Variants in FRMPD4 observed in about 807,000 individuals in gnomAD.
The protein encoded by FRMPD4 is FERM and PDZ domain-containing protein 4.
In FRMPD4, 22 loss-of-function variants were observed where a neutral mutation model predicts 94.1. The observed-to-expected ratio is 0.23, with a 90% confidence interval of 0.17 to 0.33. The LOEUF is 0.33. FRMPD4 is among the 10% of genes least tolerant of loss of function. The pLI, the probability that FRMPD4 is intolerant of heterozygous loss-of-function variation, is 1.00. For missense variants in FRMPD4, 1,111 were observed against 1,339.9 expected, an observed-to-expected ratio of 0.83 and a Z score of 2.67; for synonymous variants, 631 against 548.6, an observed-to-expected ratio of 1.15 and a Z score of -2.10.
At chrX:12,553,434 CTA>C (rs3066486) in intron 2 of FRMPD4, among the ~76,000 whole-genome samples, 552 of 39,615 alleles carry the variant, frequency 0.014, 16 homozygotes, top group African/African-American at 0.045. Flanking sequence ...ATCCATATGC[CTA>C]TATATATATA....
chrX:12,536,681 G>A (rs2058342757), intron 2 of FRMPD4, among the ~76,000 whole-genome samples: 1 of 111,906 alleles, frequency 8.9e-6, no homozygotes, highest in Non-Finnish European at 1.9e-5. Flanking sequence ...AAGAAGGATT[G>A]TTTAGTAGGA....
chrX:11,836,675 A>G (rs1419102378), intron 1 of FRMPD4, among the ~76,000 whole-genome samples: 1 of 111,888 alleles, frequency 8.9e-6, no homozygotes, highest in Non-Finnish European at 1.9e-5. Flanking sequence ...AACAAGCTAC[A>G]GAGTTGTTTA....
intron 4 of FRMPD4, among the ~76,000 whole-genome samples, chrX:12,634,176 A>AT (rs762853126): frequency 7.1e-5 from 8 of 112,317 alleles, no homozygotes; most frequent in Admixed American, 9.4e-5. Flanking sequence ...AAGATTTGTT[A>AT]TTTTTCCCCC....
chrX:12,096,775 T>G (rs926863142), intron 3 of FRMPD4, among the ~76,000 whole-genome samples: 1 of 111,416 alleles, frequency 9.0e-6, no homozygotes. Flanking sequence ...TAGTCCTAGC[T>G]GCTCAGGAGG....
intron 1 of FRMPD4, among the ~76,000 whole-genome samples, chrX:12,325,865 C>T (rs912964743): frequency 1.3e-4 from 15 of 112,070 alleles, no homozygotes; most frequent in Non-Finnish European, 2.4e-4. Context: ...TAACGGGTTA[C>T]TCCTAGGAAG....
In FRMPD4 at chrX:12,425,429, G is replaced by T. The variant is rs901010451; in HGVS notation, c.42-73251G>T. ...CTGGGCCTACTAAACCTTGTTCCCT[G>T]TCACTATTGAGGGAATCTGCAAGCA... On this transcript the variant is annotated intron_variant, in intron 1 of 16. Coordinates refer to ENST00000675598, the MANE Select transcript of FRMPD4 (RefSeq NM_001368397.1). 2.7e-5 allele frequency among the ~76,000 whole-genome samples: 3 copies of T among 112,052 alleles called. No homozygotes were observed. The Admixed American group carries it at 2.8e-4, about 11-fold the overall frequency.
chrX:12,442,731 G>A (rs2057152379), intron 1 of FRMPD4, among the ~76,000 whole-genome samples: 1 of 111,502 alleles, frequency 9.0e-6, no homozygotes, highest in South Asian at 3.8e-4. Flanking sequence ...CCACTCCTAG[G>A]TTTATACCCA....
chrX:12,189,654 G>A (rs2188724), intron 1 of FRMPD4, among the ~76,000 whole-genome samples: 16,167 of 111,123 alleles, frequency 0.15, 1,365 homozygotes, highest in East Asian at 0.62. Flanking sequence ...AGGGTACAGA[G>A]GAAAAGTCAC....
rs138817056 is a variant in FRMPD4, at chrX:12,645,347, C to CTTTTTTTTTTTTTTT, written c.423-29505_423-29491dup. Among the ~76,000 whole-genome samples, 25 of 55,642 alleles carry CTTTTTTTTTTTTTTT rather than the reference C, an allele frequency of 4.5e-4. 1 individual carries two copies. The highest frequency in any genetic ancestry group is 2.2e-3 in the African/African-American group (25 of 11,595). 48.3% of individuals were successfully genotyped at this position (55,642 alleles called of 115,157 possible). A position where few individuals can be genotyped will look rare whatever the true frequency, so the allele number is the denominator to read the frequency against. On this transcript the variant is annotated intron_variant, in intron 4 of 16. Coordinates refer to ENST00000675598, the MANE Select transcript of FRMPD4 (RefSeq NM_001368397.1). ...TCAGGTAGTTTTTAACACTCTCACT[C>CTTTTTTTTTTTTTTT]TTTTTTTTTTTTTTTTTTTTTTTTT...
chrX:11,956,719 ATAAACT>A (rs2054259087), intron 3 of FRMPD4, among the ~76,000 whole-genome samples: 1 of 112,389 alleles, frequency 8.9e-6, no homozygotes, highest in African/African-American at 3.2e-5. Context: ...CTTTCAGAAA[ATAAACT>A]TAGAATGTTT....
intron 4 of FRMPD4, among the ~76,000 whole-genome samples, chrX:12,667,086 A>T (rs1452772754): frequency 8.9e-6 from 1 of 112,394 alleles, no homozygotes; most frequent in Non-Finnish European, 1.9e-5. Flanking sequence ...CTAAATAAAA[A>T]TACTGCACAT....
intron 2 of FRMPD4, among the ~76,000 whole-genome samples, chrX:12,548,749 C>A (rs1291519053): frequency 1.5e-4 from 17 of 111,968 alleles, no homozygotes; most frequent in Non-Finnish European, 3.2e-4. Flanking sequence ...GGGCCATAAA[C>A]AAGGTTAGGT....
In FRMPD4 at chrX:12,707,768, G is replaced by A. The variant is rs773470060; in HGVS notation, c.1470+117G>A. On this transcript the variant is annotated intron_variant, in intron 13 of 16. Transcript: ENST00000675598. ...GTGTGCAGAGCATCACAGATGCAAT[G>A]TGGTGCAGAAAATAATCCACCAACT... 226 of 557,014 alleles carry A rather than the reference G, an allele frequency of 4.1e-4. 4 individuals are homozygous for A. The South Asian group carries it at 7.4e-3, about 18-fold the overall frequency. The allele number at this position is 557,014 out of a possible 1,213,427, so 45.9% of individuals were successfully genotyped here. A position where few individuals can be genotyped will look rare whatever the true frequency, so the allele number is the denominator to read the frequency against.
intron 1 of FRMPD4, among the ~76,000 whole-genome samples, chrX:12,256,236 T>A (rs1325582787): frequency 9.0e-6 from 1 of 111,730 alleles, no homozygotes; most frequent in Non-Finnish European, 1.9e-5. Flanking sequence ...AACACAAATT[T>A]CAGATGCTTT....
intron 3 of FRMPD4, among the ~76,000 whole-genome samples, chrX:11,919,460 G>A (rs868104182): frequency 7.2e-5 from 8 of 111,324 alleles, no homozygotes; most frequent in African/African-American, 2.3e-4. Context: ...GTGGGAGTGG[G>A]AGGCTGTGCA....
chrX:12,635,567 A>AATCACT (rs1379970604), intron 4 of FRMPD4, among the ~76,000 whole-genome samples: 1 of 111,309 alleles, frequency 9.0e-6, no homozygotes, highest in African/African-American at 3.3e-5. Flanking sequence ...CCTCTAAATG[A>AATCACT]ATCACTGCTA....
rs772812169 is a variant in FRMPD4 at position 12,139,025 on chromosome X, C to A, written c.41+13C>A. 2 of 1,138,837 alleles carry A rather than the reference C, an allele frequency of 1.8e-6. No individual in the cohort carries two copies. The highest frequency in any genetic ancestry group is 2.3e-6 in the Non-Finnish European group (2 of 857,080). The allele number at this position is 1,138,837 out of a possible 1,213,427, so 93.9% of individuals were successfully genotyped here. A position where few individuals can be genotyped will look rare whatever the true frequency, so the allele number is the denominator to read the frequency against. On this transcript the variant is annotated intron_variant, in intron 1 of 16. Transcript: ENST00000675598. Reference sequence around the variant, plus strand: ...CAAAGCTTTCGAGGTAGGGGCTGCGCGGGTTCCGTTTGCACCCAGGGCCGC... The same window carrying A: ...CAAAGCTTTCGAGGTAGGGGCTGCGAGGGTTCCGTTTGCACCCAGGGCCGC...
intron 4 of FRMPD4, among the ~76,000 whole-genome samples, chrX:12,629,014 G>A (rs1004715471): frequency 2.7e-5 from 3 of 111,680 alleles, no homozygotes; most frequent in Non-Finnish European, 5.7e-5. Flanking sequence ...AAAACCACTC[G>A]ATCTCATGAG....
At chrX:12,504,019 T>C (rs1376547798) in intron 2 of FRMPD4, among the ~76,000 whole-genome samples, 1 of 112,075 alleles carries the variant, frequency 8.9e-6, no homozygotes, top group Non-Finnish European at 1.9e-5. Context: ...CCTGTGATAT[T>C]TTTATATTTG....
Sources: allele counts gnomAD v4.1 joint callset (sites outside exome capture counted in the v4.1 genomes callset), GRCh38; gene constraint gnomAD v4.1.1; transcripts MANE v1.5; gene names NCBI Gene and HGNC (gene_info 2026-07-23, HGNC 2026-07-21).